Variants in TAF3 observed in about 807,000 individuals in gnomAD.
TAF3 encodes transcription initiation factor TFIID subunit 3.
A neutral mutation model predicts 80.6 loss-of-function variants in TAF3; 7 were observed. That is an observed-to-expected ratio of 0.09 (90% CI 0.05 to 0.16). The LOEUF (loss-of-function observed/expected upper bound fraction) is 0.16, where lower values mean the gene tolerates loss of function less well. Ranked by LOEUF, TAF3 falls within the 10% of genes least tolerant of loss-of-function variation. The pLI is 1.00. For synonymous variants in TAF3, 444 were observed against 446.1 expected (o/e 1.00, Z 0.06); for missense variants, 921 against 1,140.2 (o/e 0.81, Z 2.77).
At position 7,977,343 on chromosome 10, in the gene TAF3, A is replaced by G. The variant is rs750792516; in HGVS notation, c.2315+20A>G. The G allele has an allele frequency of 4.3e-5, 69 of 1,611,548 alleles. No individual in the cohort carries two copies. The highest frequency in any genetic ancestry group is 5.7e-5 in the Non-Finnish European group (67 of 1,177,988). On this transcript the variant is annotated intron_variant, in intron 4 of 6. Coordinates refer to ENST00000344293, the MANE Select transcript of TAF3 (RefSeq NM_031923.4). Reference sequence around the variant, plus strand: ...CAAGATGTAAGTATAAACGTTTTGAATCAGGGTGAAACAAATGAAATTTAA... The same window carrying G: ...CAAGATGTAAGTATAAACGTTTTGAGTCAGGGTGAAACAAATGAAATTTAA...
In TAF3 at chr10:7,979,118, G is replaced by A. The variant is rs1831700140; in HGVS notation, c.2315+1795G>A. On this transcript the variant is annotated intron_variant, in intron 4 of 6. Transcript: ENST00000344293. Reference sequence around the variant, plus strand: ...CCAGCACTTTGGGAGGCCGAGGCAGGTGGATCACAAGGTCAGGAGATCGAG... The same window carrying A: ...CCAGCACTTTGGGAGGCCGAGGCAGATGGATCACAAGGTCAGGAGATCGAG... Among the ~76,000 whole-genome samples, 3 of 152,094 alleles carry A rather than the reference G, an allele frequency of 2.0e-5. No homozygotes were observed. In the South Asian group the frequency reaches 6.2e-4, roughly 32 times the overall value.
intron 2 of TAF3, among the ~76,000 whole-genome samples, chr10:7,829,600 A>G (rs944739462): frequency 1.3e-5 from 2 of 152,210 alleles, no homozygotes; most frequent in Non-Finnish European, 2.9e-5. Context: ...CTTGGGGAGA[A>G]AGACCACAGA....
chr10:7,953,615 C>G (rs1838105158), intron 2 of TAF3, among the ~76,000 whole-genome samples: 1 of 152,202 alleles, frequency 6.6e-6, no homozygotes, highest in Non-Finnish European at 1.5e-5. Context: ...CTTCATATCC[C>G]TTGATGTGGC....
chr10:7,963,165 T>C (rs1328912940), intron 2 of TAF3, among the ~76,000 whole-genome samples: 1 of 152,200 alleles, frequency 6.6e-6, no homozygotes, highest in African/African-American at 2.4e-5. Flanking sequence ...AAGTAGTATA[T>C]GAATTTGTCA....
intron 2 of TAF3, among the ~76,000 whole-genome samples, chr10:7,848,146 A>G (rs1036910962): frequency 1.1e-4 from 16 of 152,246 alleles, no homozygotes; most frequent in African/African-American, 3.9e-4. Flanking sequence ...GCTTAACAAT[A>G]TAAAGGTTCC....
At chr10:7,949,492 A>G (rs1398601856) in intron 2 of TAF3, among the ~76,000 whole-genome samples, 2 of 152,230 alleles carry the variant, frequency 1.3e-5, no homozygotes, top group East Asian at 3.8e-4. Context: ...TTTGCATCGC[A>G]TTATGTAAGT....
At chr10:7,930,722 A>G (rs1043170764) in intron 2 of TAF3, among the ~76,000 whole-genome samples, 1 of 152,136 alleles carries the variant, frequency 6.6e-6, no homozygotes, top group Non-Finnish European at 1.5e-5. Flanking sequence ...TGAGAAAATA[A>G]TTTTGATTAA....
rs753355309 is a variant in TAF3 at position 8,014,638 on chromosome 10, C to T, written c.2677C>T (p.Pro893Ser). ...ATCTGAGCTTGTTTTCACGTGCAGG[C>T]CCTGTGTTGGAATCATGACTGCACC... ...CDDCDDWYHW[P>S]CVGIMTAPPE... is the part of the protein sequence containing the mutation. The change falls in exon 7 of 7, where the codon CCC becomes TCC. Residue 893 changes from proline to serine, a missense_variant and splice_region_variant. Transcript: ENST00000344293. The T allele has an allele frequency of 3.7e-6, 6 of 1,611,928 alleles. No individual in the cohort carries two copies. In the South Asian group the frequency reaches 6.6e-5, roughly 18 times the overall value.
At chr10:7,826,227 A>G (rs893741254) in intron 2 of TAF3, among the ~76,000 whole-genome samples, 4 of 152,174 alleles carry the variant, frequency 2.6e-5, no homozygotes, top group African/African-American at 9.7e-5. Flanking sequence ...AATGATACTA[A>G]CACACCGACA....
intron 2 of TAF3, among the ~76,000 whole-genome samples, chr10:7,942,632 C>T (rs1837986237): frequency 6.6e-6 from 1 of 152,260 alleles, no homozygotes; most frequent in South Asian, 2.1e-4. Context: ...GGGCTAGGTC[C>T]ATCTCCAGCT....
chr10:7,863,696 T>TATATATATACACACAC (rs1564350911), intron 2 of TAF3, among the ~76,000 whole-genome samples: 3 of 83,534 alleles, frequency 3.6e-5, no homozygotes, highest in East Asian at 3.7e-4. Context: ...CACACACATA[T>TATATATATACACACAC]ATATATATAC....
At chr10:7,963,237 A>G (rs1387977072) in intron 2 of TAF3, among the ~76,000 whole-genome samples, 1 of 152,234 alleles carries the variant, frequency 6.6e-6, no homozygotes, top group African/African-American at 2.4e-5. Context: ...AAGTCCTATA[A>G]TAATCCATCT....
Position 7,964,358 on chromosome 10 carries a change from C to T in TAF3, c.848C>T (p.Thr283Ile). Reference protein sequence around the residue: ...KTKTSSPGQKTKSPKTAQSPA... With the variant: ...KTKTSSPGQKIKSPKTAQSPA... ...AAAACTAGCTCTCCAGGACAGAAGACTAAATCACCTAAAACCGCCCAGTCA... is the reference window on the plus strand; with the variant it reads ...AAAACTAGCTCTCCAGGACAGAAGATTAAATCACCTAAAACCGCCCAGTCA... Residue 283 changes from threonine (T) to isoleucine (I), a missense_variant, in exon 3 of 7, where the codon ACT becomes ATT. Coordinates refer to ENST00000344293, the MANE Select transcript of TAF3 (RefSeq NM_031923.4). The surrounding 1 kb of genome is among the most constrained non-coding windows in gnomAD (Gnocchi z 4.1). 1 of 1,614,162 alleles carries T rather than the reference C, an allele frequency of 6.2e-7. No individual in the cohort carries two copies. Among genetic ancestry groups the T allele is most frequent in the Non-Finnish European group, 8.5e-7 (1 of 1,180,028 alleles).
intron 2 of TAF3, among the ~76,000 whole-genome samples, chr10:7,846,109 C>T (rs1836968749): frequency 6.6e-6 from 1 of 151,922 alleles, no homozygotes; most frequent in Non-Finnish European, 1.5e-5. Flanking sequence ...CAGGCGCCCG[C>T]CACCACGCCT....
chr10:7,968,385 C>G (rs776490332), intron 3 of TAF3, among the ~76,000 whole-genome samples: 1 of 152,072 alleles, frequency 6.6e-6, no homozygotes, highest in African/African-American at 2.4e-5. Context: ...AAAGCTGATA[C>G]CAAGAACCAA....
chr10:7,829,584 T>C (rs1437264796), intron 2 of TAF3, among the ~76,000 whole-genome samples: 1 of 152,196 alleles, frequency 6.6e-6, no homozygotes, highest in African/African-American at 2.4e-5. Flanking sequence ...ACTGGGGTTA[T>C]GAGATCTTGG....
At chr10:7,848,726 C>T (rs1312298926) in intron 2 of TAF3, among the ~76,000 whole-genome samples, 1 of 152,112 alleles carries the variant, frequency 6.6e-6, no homozygotes, top group Non-Finnish European at 1.5e-5. Flanking sequence ...TAGAATTGTC[C>T]TCAGTGGTAT....
At chr10:7,832,993 C>G (rs545469429) in intron 2 of TAF3, among the ~76,000 whole-genome samples, 5 of 152,126 alleles carry the variant, frequency 3.3e-5, no homozygotes, top group African/African-American at 9.7e-5. Flanking sequence ...GCCAGGAGTT[C>G]GAGATAAAAT....
chr10:7,867,523 A>G (rs1040564804), intron 2 of TAF3, among the ~76,000 whole-genome samples: 10 of 152,296 alleles, frequency 6.6e-5, no homozygotes, highest in Non-Finnish European at 1.5e-4. Flanking sequence ...GGAGATCCAC[A>G]GTGTAGTTCT....
Sources: allele counts gnomAD v4.1 joint callset (sites outside exome capture counted in the v4.1 genomes callset), GRCh38; gene constraint gnomAD v4.1.1; non-coding constraint Gnocchi (gnomAD v3.1); transcripts MANE v1.5; gene names NCBI Gene and HGNC (gene_info 2026-07-23, HGNC 2026-07-21).